Variants in PRKG1 observed in about 807,000 individuals in gnomAD.
PRKG1 encodes cGMP-dependent protein kinase 1.
In PRKG1, 35 loss-of-function variants were observed where a neutral mutation model predicts 88.1. The ratio of observed to expected loss-of-function variants is 0.40; its 90% CI spans 0.30 to 0.53. The LOEUF (loss-of-function observed/expected upper bound fraction) is 0.53. Among genes scored for constraint, PRKG1 ranks in the 20% least tolerant of loss-of-function variants. PRKG1 has a pLI of 0.59. For synonymous variants in PRKG1, 303 were observed against 292.5 expected (o/e 1.04, Z -0.37); for missense variants, 540 against 839.8 (o/e 0.64, Z 4.41).
At chr10:52,080,255 TC>T (rs1846737867) in intron 7 of PRKG1, among the ~76,000 whole-genome samples, 2 of 152,192 alleles carry the variant, frequency 1.3e-5, no homozygotes, top group African/African-American at 2.4e-5. Flanking sequence ...ACTTATAAGG[TC>T]CTGCTCATCC....
chr10:52,207,672 T>A (rs1839856851), intron 9 of PRKG1, among the ~76,000 whole-genome samples: 1 of 152,028 alleles, frequency 6.6e-6, no homozygotes, highest in African/African-American at 2.4e-5. Context: ...TCTGTGGGAG[T>A]TGTGGGATCT....
intron 1 of PRKG1, among the ~76,000 whole-genome samples, chr10:51,140,345 C>G (rs1248364746): frequency 1.3e-5 from 2 of 152,044 alleles, no homozygotes; most frequent in Non-Finnish European, 2.9e-5. Flanking sequence ...ACCCCCTTAC[C>G]CCTAATCCCT....
chr10:51,309,960 ACT>A (rs1841141407), intron 2 of PRKG1, among the ~76,000 whole-genome samples: 1 of 152,180 alleles, frequency 6.6e-6, no homozygotes, highest in South Asian at 2.1e-4. Context: ...CATGGATGGA[ACT>A]GGAGGTCATT....
At chr10:51,536,659 T>G (rs1036185209) in intron 3 of PRKG1, among the ~76,000 whole-genome samples, 4 of 152,176 alleles carry the variant, frequency 2.6e-5, no homozygotes, top group African/African-American at 7.2e-5. Flanking sequence ...TTTTTATTAT[T>G]ATTATTATAC....
intron 1 of PRKG1, among the ~76,000 whole-genome samples, chr10:51,050,357 C>T (rs1267237178): frequency 6.6e-6 from 1 of 152,040 alleles, no homozygotes; most frequent in Non-Finnish European, 1.5e-5. Flanking sequence ...CACCATTGTA[C>T]TCTCTGCCTC....
chr10:51,710,613 C>G (rs1374002825), intron 3 of PRKG1, among the ~76,000 whole-genome samples: 1 of 152,164 alleles, frequency 6.6e-6, no homozygotes, highest in African/African-American at 2.4e-5. Context: ...AGTTCTTAAA[C>G]GTTAACCTTA....
At chr10:52,085,947 G>GT (rs1447747041) in intron 7 of PRKG1, among the ~76,000 whole-genome samples, 5 of 152,168 alleles carry the variant, frequency 3.3e-5, no homozygotes, top group African/African-American at 1.2e-4. Context: ...TTCATTTGCA[G>GT]TTTTTTCCCT....
intron 3 of PRKG1, among the ~76,000 whole-genome samples, chr10:51,691,390 C>T (rs559059823): frequency 1.3e-5 from 2 of 151,546 alleles, no homozygotes; most frequent in Non-Finnish European, 2.9e-5. Flanking sequence ...TCACTGCAGC[C>T]TCCACCTCCT....
chr10:51,050,352 T>C (rs563697948), intron 1 of PRKG1, among the ~76,000 whole-genome samples: 32 of 152,154 alleles, frequency 2.1e-4, no homozygotes, highest in Admixed American at 1.8e-3. Flanking sequence ...GCAACCACCA[T>C]TGTACTCTCT....
At chr10:51,517,239 T>G (rs1841613810) in intron 3 of PRKG1, among the ~76,000 whole-genome samples, 1 of 152,322 alleles carries the variant, frequency 6.6e-6, no homozygotes, top group African/African-American at 2.4e-5. Context: ...AGAAATGTGG[T>G]AGGACAAATG....
At chr10:51,579,414 C>G (rs576381638) in intron 3 of PRKG1, among the ~76,000 whole-genome samples, 27 of 152,190 alleles carry the variant, frequency 1.8e-4, no homozygotes, top group African/African-American at 6.3e-4. Context: ...TTATCTCTCA[C>G]TATGAAACAT....
intron 2 of PRKG1, among the ~76,000 whole-genome samples, chr10:51,463,226 A>C (rs1839792033): frequency 6.6e-6 from 1 of 152,214 alleles, no homozygotes; most frequent in African/African-American, 2.4e-5. Flanking sequence ...TAGATATCAC[A>C]TTAATCAATG....
chr10:52,139,576 GC>G (rs1837519927), intron 8 of PRKG1, among the ~76,000 whole-genome samples: 1 of 152,144 alleles, frequency 6.6e-6, no homozygotes, highest in South Asian at 2.1e-4. Context: ...CAGTGAACCA[GC>G]CATGCAGGAA....
intron 3 of PRKG1, among the ~76,000 whole-genome samples, chr10:51,609,335 G>C (rs1838844810): frequency 6.6e-6 from 1 of 152,038 alleles, no homozygotes; most frequent in South Asian, 2.1e-4. Context: ...CATTGTAAGT[G>C]CTCTATATGG....
chr10:51,627,929 T>TTCCTTCCTTC (rs1426640394), intron 3 of PRKG1, among the ~76,000 whole-genome samples: 1 of 41,560 alleles, frequency 2.4e-5, no homozygotes, highest in Admixed American at 3.0e-4. Flanking sequence ...TCCCTTCCTT[T>TTCCTTCCTTC]CTTCCTTCCT....
intron 5 of PRKG1, among the ~76,000 whole-genome samples, chr10:51,943,361 G>A (rs1176048341): frequency 2.0e-5 from 3 of 152,012 alleles, no homozygotes; most frequent in Non-Finnish European, 4.4e-5. Flanking sequence ...GGGCTGAGAT[G>A]ATGGGGTTTT....
At chr10:51,688,565 CTTTTT>C (rs35034840) in intron 3 of PRKG1, among the ~76,000 whole-genome samples, 3 of 123,740 alleles carry the variant, frequency 2.4e-5, no homozygotes, top group Non-Finnish European at 4.9e-5. Flanking sequence ...AGTAACAATC[CTTTTT>C]TTTTTTTTTT....
intron 9 of PRKG1, among the ~76,000 whole-genome samples, chr10:52,211,513 C>T (rs529252922): frequency 4.6e-5 from 7 of 151,944 alleles, no homozygotes; most frequent in Middle Eastern, 3.4e-3. Context: ...ATTATGCATG[C>T]GTTTAGAAAT....
At chr10:51,245,151 T>C (rs1179835849) in intron 2 of PRKG1, 1 of 152,118 alleles carries the variant, frequency 6.6e-6, no homozygotes, top group East Asian at 1.9e-4. Flanking sequence ...GAAAAGAACT[T>C]AAGGATATAA....
Sources: allele counts gnomAD v4.1 joint callset (sites outside exome capture counted in the v4.1 genomes callset), GRCh38; gene constraint gnomAD v4.1.1; transcripts MANE v1.5; gene names NCBI Gene and HGNC (gene_info 2026-07-23, HGNC 2026-07-21).